NR6A1: variants seen among roughly 807,000 people sequenced by gnomAD.
The protein encoded by NR6A1 is nuclear receptor subfamily 6 group A member 1.
A neutral mutation model predicts 59.1 loss-of-function variants in NR6A1; 7 were observed. The ratio of observed to expected loss-of-function variants is 0.12; its 90% confidence interval spans 0.07 to 0.22. The LOEUF is 0.22. Among genes scored for constraint, NR6A1 ranks in the 10% least tolerant of loss-of-function variants. The pLI is 1.00. For synonymous variants in NR6A1, 243 were observed against 236.1 expected, an observed-to-expected ratio of 1.03 and a Z score of -0.27; for missense variants, 468 against 611.6, an observed-to-expected ratio of 0.77 and a Z score of 2.48.
At chr9:124,766,449 T>G (rs923991279) in intron 1 of NR6A1, among the ~76,000 whole-genome samples, 2 of 152,244 alleles carry the variant, frequency 1.3e-5, no homozygotes, top group African/African-American at 4.8e-5. Context: ...ACATTTATTC[T>G]TTATTGAAAT....
intron 2 of NR6A1, among the ~76,000 whole-genome samples, chr9:124,633,381 C>T (rs891881377): frequency 8.3e-6 from 1 of 119,954 alleles, no homozygotes; most frequent in Non-Finnish European, 1.6e-5. Flanking sequence ...CCAGCCTGGG[C>T]GACAGAGCGA....
chr9:124,754,346 A>G (rs1229031277), intron 1 of NR6A1, among the ~76,000 whole-genome samples: 1 of 152,234 alleles, frequency 6.6e-6, no homozygotes, highest in Non-Finnish European at 1.5e-5. Flanking sequence ...ATTTGTCAAA[A>G]ATTTGTTTTA....
intron 2 of NR6A1, among the ~76,000 whole-genome samples, chr9:124,559,908 T>G (rs1834034302): frequency 6.6e-6 from 1 of 152,260 alleles, no homozygotes; most frequent in African/African-American, 2.4e-5. Flanking sequence ...ATGATTTTTC[T>G]TAATATCATT....
chr9:124,580,829 T>A (rs1834743438), intron 2 of NR6A1, among the ~76,000 whole-genome samples: 1 of 151,670 alleles, frequency 6.6e-6, no homozygotes, highest in African/African-American at 2.4e-5. Flanking sequence ...CAAAAAATAA[T>A]AATAATAATA....
chr9:124,707,374 A>ACAT (rs1167278451), intron 2 of NR6A1, among the ~76,000 whole-genome samples: 1 of 152,098 alleles, frequency 6.6e-6, no homozygotes, highest in Non-Finnish European at 1.5e-5. Context: ...TTCTCTATGT[A>ACAT]CTAGATCACT....
chr9:124,539,999 T>TTAC, intron 5 of NR6A1, 34 bp downstream of exon 5: 1 of 1,568,166 alleles, frequency 6.4e-7, no homozygotes, highest in South Asian at 1.2e-5. Context: ...GGGGGATCCC[T>TTAC]AGATGATGAC....
At chr9:124,541,480 A>G (rs570502919) in intron 4 of NR6A1, among the ~76,000 whole-genome samples, 1 of 152,326 alleles carries the variant, frequency 6.6e-6, no homozygotes, top group East Asian at 1.9e-4. Context: ...CAACAACAAA[A>G]AAACCCCAAA....
chr9:124,529,894 C>T (rs1000751786), intron 7 of NR6A1, among the ~76,000 whole-genome samples: 5 of 151,756 alleles, frequency 3.3e-5, no homozygotes, highest in Non-Finnish European at 1.5e-5. Flanking sequence ...CAATTTCTTT[C>T]AGTATCTGAC....
At chr9:124,635,231 T>G (rs1277595971) in intron 2 of NR6A1, among the ~76,000 whole-genome samples, 1 of 152,186 alleles carries the variant, frequency 6.6e-6, no homozygotes, top group Non-Finnish European at 1.5e-5. Context: ...TTTTTCCTTC[T>G]CCAGAATGTC....
At chr9:124,717,894 T>C (rs1816827254) in intron 2 of NR6A1, among the ~76,000 whole-genome samples, 1 of 152,214 alleles carries the variant, frequency 6.6e-6, no homozygotes, top group South Asian at 2.1e-4. Context: ...GTAAATGAGA[T>C]AAATGTTTTA....
intron 2 of NR6A1, among the ~76,000 whole-genome samples, chr9:124,648,192 A>C (rs1276547297): frequency 6.6e-6 from 1 of 152,224 alleles, no homozygotes; most frequent in Admixed American, 6.5e-5. Flanking sequence ...TAACAGAATC[A>C]AGAACAAAAA....
chr9:124,566,829 C>T (rs901464734), intron 2 of NR6A1, among the ~76,000 whole-genome samples: 1 of 152,186 alleles, frequency 6.6e-6, no homozygotes, highest in Non-Finnish European at 1.5e-5. Context: ...AGAGGACAGG[C>T]CGGGCGCGGT....
In NR6A1 at chr9:124,670,044, T is replaced by C. The variant is rs551127468; in HGVS notation, c.142+63264A>G. Reference sequence around the variant, plus strand: ...AAGACTTTAAAATAAGAAACTTACATACCATTTTTCCCCCTACCCTTCCCC... The same window carrying C: ...AAGACTTTAAAATAAGAAACTTACACACCATTTTTCCCCCTACCCTTCCCC... On this transcript the variant is annotated intron_variant, in intron 2 of 9. Transcript: ENST00000487099. Among the ~76,000 whole-genome samples, 40 of 152,234 alleles carry C rather than the reference T, an allele frequency of 2.6e-4. 1 individual carries two copies. In the South Asian group the frequency reaches 8.1e-3, roughly 31 times the overall value.
intron 1 of NR6A1, among the ~76,000 whole-genome samples, chr9:124,733,852 C>A (rs1839950727): frequency 6.6e-6 from 1 of 152,108 alleles, no homozygotes; most frequent in African/African-American, 2.4e-5. Flanking sequence ...CCTACACAAA[C>A]AAATGAAAGC....
rs147058265 is a variant in NR6A1, at chr9:124,550,919, A to C, written c.385+3409T>G. Among the ~76,000 whole-genome samples the C allele has an allele frequency of 5.0e-3, 766 of 152,284 alleles. 4 individuals carry two copies. The highest frequency in any genetic ancestry group is 0.018 in the African/African-American group (733 of 41,542). On this transcript the variant is annotated intron_variant, in intron 3 of 9. Coordinates refer to ENST00000487099, the MANE Select transcript of NR6A1 (RefSeq NM_033334.4). ...TTATTCACTTATTCCTTTCGGTATG[A>C]ACTCATGGATATTTTTATCCTTTGG...
At chr9:124,686,209 A>C (rs1838324815) in intron 2 of NR6A1, among the ~76,000 whole-genome samples, 1 of 152,204 alleles carries the variant, frequency 6.6e-6, no homozygotes, top group African/African-American at 2.4e-5. Context: ...CAATAAACAA[A>C]AATAAGTCAG....
rs1208778842 is a variant in NR6A1 at position 124,707,756 on chromosome 9, T to C, written c.142+25552A>G. On this transcript the variant is annotated intron_variant, in intron 2 of 9. Transcript: ENST00000487099. ...TGTAGTTCCTGATGGCTCCGGTTTT[T>C]CCCCCCACCTTTTTATTTTGAAGCC... Among the ~76,000 whole-genome samples, 4 of 152,050 alleles carry C rather than the reference T, an allele frequency of 2.6e-5. No individual in the cohort carries two copies. The East Asian group carries it at 5.8e-4, about 22-fold the overall frequency.
chr9:124,599,472 C>T, intron 2 of NR6A1: 1 of 455,320 alleles, frequency 2.2e-6, no homozygotes, highest in Non-Finnish European at 4.3e-6. Context: ...TTTAAAATTT[C>T]TTGCTCAGGA....
chr9:124,599,174 G>T, intron 2 of NR6A1: 1 of 559,678 alleles, frequency 1.8e-6, no homozygotes, highest in South Asian at 1.7e-5. Context: ...CGGGGGCGGT[G>T]GCTCACTCCT....
Sources: gnomAD v4.1 joint callset for allele counts (sites outside exome capture counted in the v4.1 genomes callset) on GRCh38, gnomAD v4.1.1 for gene constraint, MANE v1.5 for transcripts, NCBI Gene and HGNC (gene_info 2026-07-23, HGNC 2026-07-21) for gene names.